KAT14: variants seen among roughly 807,000 people sequenced by gnomAD.
KAT14 encodes the protein lysine acetyltransferase 14.
KAT14 carries 66 observed loss-of-function variants against 78.4 expected under a neutral mutation model. That is an observed-to-expected ratio of 0.84 (90% CI 0.69 to 1.03). The LOEUF (loss-of-function observed/expected upper bound fraction) is 1.03, where lower values mean the gene tolerates loss of function less well. Ranked by LOEUF, KAT14 falls within the 50% of genes least tolerant of loss-of-function variation. The pLI is 0.00. For synonymous variants in KAT14, 344 were observed against 359.4 expected (o/e 0.96, Z 0.48); for missense variants, 870 against 972.5 (o/e 0.89, Z 1.40).
At chr20:18,145,426 T>A in intron 3 of KAT14, 75 bp downstream of exon 3, 1 of 1,580,044 alleles carries the variant, frequency 6.3e-7, no homozygotes, top group Non-Finnish European at 8.6e-7. Flanking sequence ...ATCTAGAAAC[T>A]TAGGGATGAG....
At chr20:18,163,179 A>G (rs1331137974) in intron 7 of KAT14, among the ~76,000 whole-genome samples, 3 of 152,224 alleles carry the variant, frequency 2.0e-5, no homozygotes. Context: ...TAGGCATTCA[A>G]ACATAACCTA....
Position 18,162,376 on chromosome 20 carries a change from G to A in KAT14, c.1100-1G>A. On this transcript the variant is annotated splice_acceptor_variant, in intron 6 of 10. Coordinates refer to ENST00000688188, the MANE Select transcript of KAT14 (RefSeq NM_001392073.1). LOFTEE classifies it high-confidence loss of function. Reference sequence around the variant, plus strand: ...ATGACACTGTTTTGTACTCTGCACAGATGACGATGAGATGGAAGGCGATGG... The same window carrying A: ...ATGACACTGTTTTGTACTCTGCACAAATGACGATGAGATGGAAGGCGATGG... The A allele has an allele frequency of 6.2e-7, 1 of 1,611,124 alleles. No homozygotes were observed. The highest frequency in any genetic ancestry group is 1.3e-5 in the African/African-American group (1 of 74,962).
rs755222049 is a variant in KAT14 at position 18,187,332 on chromosome 20, C to T, written c.2219C>T (p.Pro740Leu). 6.2e-7 allele frequency: 1 copy of T among 1,613,912 alleles called. No individual in the cohort carries two copies. The highest frequency in any genetic ancestry group is 8.5e-7 in the Non-Finnish European group (1 of 1,179,952). ...ACCCTTCACGTCTCAGCAAGCAACC[C>T]CGCTATGCTACTGTACCAGAAGTTT... Reference protein sequence around the residue: ...DVTLHVSASNPAMLLYQKFGF... With the variant: ...DVTLHVSASNLAMLLYQKFGF... The change falls in exon 11 of 11, where the codon CCC becomes CTC. Residue 740 changes from proline to leucine, a missense_variant. Transcript: ENST00000688188.
At chr20:18,154,430 A>C (rs750101748) in intron 4 of KAT14, among the ~76,000 whole-genome samples, 1 of 152,168 alleles carries the variant, frequency 6.6e-6, no homozygotes, top group Non-Finnish European at 1.5e-5. Context: ...CTCCGGTCTC[A>C]GCCTCCGGAG....
intron 4 of KAT14, 108 bp from the exon 5 acceptor site, chr20:18,158,976 T>C: frequency 7.6e-7 from 1 of 1,323,138 alleles, no homozygotes; most frequent in Non-Finnish European, 1.0e-6. Context: ...CTTCAGTAGC[T>C]GGAGGTGCCA....
chr20:18,157,483 C>G (rs147259876), intron 4 of KAT14, among the ~76,000 whole-genome samples: 1 of 152,160 alleles, frequency 6.6e-6, no homozygotes, highest in East Asian at 1.9e-4. Flanking sequence ...ACCATCTTAA[C>G]CAGTTCCAAG....
intron 5 of KAT14, 125 bp downstream of exon 5, chr20:18,159,390 C>A: frequency 9.3e-7 from 1 of 1,074,472 alleles, no homozygotes; most frequent in Non-Finnish European, 1.3e-6. Context: ...CTCTGTTTAA[C>A]ACTTCTGTGA....
At chr20:18,170,083 A>C (rs2038793245) in intron 7 of KAT14, among the ~76,000 whole-genome samples, 1 of 152,266 alleles carries the variant, frequency 6.6e-6, no homozygotes, top group Non-Finnish European at 1.5e-5. Context: ...CATGAGGTTT[A>C]GGAAAGAAGG....
At chr20:18,159,439 A>G (rs2038341087) in intron 5 of KAT14, among the ~76,000 whole-genome samples, 174 bp downstream of exon 5, 1 of 152,258 alleles carries the variant, frequency 6.6e-6, no homozygotes, top group Admixed American at 6.5e-5. Context: ...TGCCACATAA[A>G]AACATTTTAT....
chr20:18,148,038 T>C (rs1417567082), intron 3 of KAT14, among the ~76,000 whole-genome samples: 1 of 152,160 alleles, frequency 6.6e-6, no homozygotes. Context: ...GTATTTCTAG[T>C]TGCATCTGAA....
At chr20:18,145,103 T>C in intron 2 of KAT14, 130 bp from the exon 3 acceptor site, 1 of 1,422,976 alleles carries the variant, frequency 7.0e-7, no homozygotes, top group Non-Finnish European at 9.2e-7. Context: ...TTCCCCATTT[T>C]GCAATTGTGG....
chr20:18,139,632 AC>A (rs2037445596), intron 1 of KAT14, among the ~76,000 whole-genome samples: 3 of 99,784 alleles, frequency 3.0e-5, no homozygotes, highest in Non-Finnish European at 2.1e-5. Flanking sequence ...AACCAAAATA[AC>A]GTGTGTGTGT....
intron 7 of KAT14, among the ~76,000 whole-genome samples, chr20:18,168,588 A>G (rs1265984829): frequency 2.0e-5 from 3 of 151,806 alleles, no homozygotes; most frequent in Non-Finnish European, 4.4e-5. Flanking sequence ...TTATTCTCCC[A>G]TCTCCTAAAA....
At position 18,154,727 on chromosome 20, in the gene KAT14, G is replaced by T. The variant is rs544105494; in HGVS notation, c.500+3785G>T. Reference sequence around the variant, plus strand: ...TTAACTTTAAGATACACCATTTTGTGTACAAATAAGAGCTAACTACCAATT... The same window carrying T: ...TTAACTTTAAGATACACCATTTTGTTTACAAATAAGAGCTAACTACCAATT... On this transcript the variant is annotated intron_variant, in intron 4 of 10. Transcript: ENST00000688188. 5.3e-5 allele frequency among the ~76,000 whole-genome samples: 8 copies of T among 152,296 alleles called. No homozygotes were observed. The South Asian group carries it at 1.5e-3, about 28-fold the overall frequency.
intron 7 of KAT14, among the ~76,000 whole-genome samples, chr20:18,173,157 T>C (rs528499327): frequency 6.6e-6 from 1 of 152,332 alleles, no homozygotes; most frequent in Admixed American, 6.5e-5. Context: ...CCCTCCTCCA[T>C]CTGGAATCAA....
At chr20:18,148,908 C>T (rs1178058491) in intron 3 of KAT14, among the ~76,000 whole-genome samples, 1 of 152,128 alleles carries the variant, frequency 6.6e-6, no homozygotes, top group African/African-American at 2.4e-5. Context: ...CCATGCCCGG[C>T]CTGGGATTCA....
chr20:18,151,044 A>G, intron 4 of KAT14, 102 bp downstream of exon 4: 1 of 1,461,856 alleles, frequency 6.8e-7, no homozygotes, highest in East Asian at 2.3e-5. Flanking sequence ...GATTTATTTT[A>G]ATTTTTTTGA....
chr20:18,163,497 T>A lies in KAT14; in HGVS notation c.1668+552T>A, dbSNP rs552791499. ...CTCCCACTGGGAGGAACAAGAGGCCTTATTCCCTTTATCTTTGCTAGCACT... is the reference window on the plus strand; with the variant it reads ...CTCCCACTGGGAGGAACAAGAGGCCATATTCCCTTTATCTTTGCTAGCACT... On this transcript the variant is annotated intron_variant, in intron 7 of 10. Transcript: ENST00000688188. Among the ~76,000 whole-genome samples the A allele has an allele frequency of 2.0e-5, 3 of 152,366 alleles. No individual in the cohort carries two copies. In the East Asian group the frequency reaches 5.8e-4, roughly 29 times the overall value.
rs193001497 is a variant in KAT14, at chr20:18,147,390, A to G, written c.378+2039A>G. ...ATAGATTATTGTGATATGTGCACACAGGTAGATTTGTATTTGTCCTGCAAG... is the reference window on the plus strand; with the variant it reads ...ATAGATTATTGTGATATGTGCACACGGGTAGATTTGTATTTGTCCTGCAAG... On this transcript the variant is annotated intron_variant, in intron 3 of 10. Transcript: ENST00000688188. 1.7e-3 allele frequency among the ~76,000 whole-genome samples: 255 copies of G among 152,342 alleles called. 1 individual carries two copies. The highest frequency in any genetic ancestry group is 5.9e-3 in the African/African-American group (244 of 41,570).
Sources: gnomAD v4.1 joint callset for allele counts (sites outside exome capture counted in the v4.1 genomes callset) on GRCh38, gnomAD v4.1.1 for gene constraint, MANE v1.5 for transcripts, NCBI Gene and HGNC (gene_info 2026-07-23, HGNC 2026-07-21) for gene names.